Variants in CCDC7 observed in about 807,000 individuals in gnomAD.
The protein encoded by CCDC7 is coiled-coil domain-containing protein 7.
A neutral mutation model predicts 196.9 loss-of-function variants in CCDC7; 183 were observed. The ratio of observed to expected loss-of-function variants is 0.93; its 90% CI spans 0.82 to 1.05. The LOEUF (loss-of-function observed/expected upper bound fraction) is 1.05, where lower values mean the gene tolerates loss of function less well. Ranked by LOEUF, CCDC7 falls within the 50% of genes least tolerant of loss-of-function variation. CCDC7 has a pLI of 0.00. For synonymous variants in CCDC7, 525 were observed against 484.6 expected (o/e 1.08, Z -1.10); for missense variants, 1,540 against 1,482.2 (o/e 1.04, Z -0.64).
At chr10:32,657,043 C>G (rs2070067846) in intron 20 of CCDC7, among the ~76,000 whole-genome samples, 1 of 152,260 alleles carries the variant, frequency 6.6e-6, no homozygotes, top group African/African-American at 2.4e-5. Context: ...GACTTCATGT[C>G]TCACATCCAG....
At chr10:32,590,035 G>C (rs2059642496) in intron 18 of CCDC7, among the ~76,000 whole-genome samples, 2 of 151,960 alleles carry the variant, frequency 1.3e-5, no homozygotes, top group South Asian at 4.2e-4. Flanking sequence ...CTTTTGATTG[G>C]ACAGTTTAGT....
chr10:32,542,714 C>T (rs761926634), intron 11 of CCDC7, among the ~76,000 whole-genome samples: 2 of 151,486 alleles, frequency 1.3e-5, no homozygotes, highest in Non-Finnish European at 2.9e-5. Context: ...CACACCAGCT[C>T]ACATCTGGTG....
intron 18 of CCDC7, among the ~76,000 whole-genome samples, chr10:32,608,782 C>A (rs1405559891): frequency 6.6e-6 from 1 of 152,134 alleles, no homozygotes; most frequent in Non-Finnish European, 1.5e-5. Context: ...CTCAAGTGAT[C>A]CTCCCGCCTC....
chr10:32,546,729 C>T (rs2136220641), intron 13 of CCDC7, among the ~76,000 whole-genome samples: 2 of 152,302 alleles, frequency 1.3e-5, no homozygotes, highest in South Asian at 4.1e-4. Context: ...CTCATAGTTT[C>T]AGTGGGTTCG....
chr10:32,648,796 C>A (rs1330572968), intron 20 of CCDC7, among the ~76,000 whole-genome samples: 1 of 152,144 alleles, frequency 6.6e-6, no homozygotes, highest in South Asian at 2.1e-4. Flanking sequence ...GTTTGTTGGC[C>A]ACATGTATAT....
upstream of CCDC7, among the ~76,000 whole-genome samples, chr10:32,447,046 G>A (rs1230599184): frequency 1.3e-5 from 2 of 148,834 alleles, no homozygotes; most frequent in East Asian, 4.1e-4. Context: ...TTTTTCCATC[G>A]AACTTTCCTC....
chr10:32,519,844 G>A (rs189688507), intron 11 of CCDC7, among the ~76,000 whole-genome samples: 2 of 151,718 alleles, frequency 1.3e-5, no homozygotes, highest in East Asian at 3.9e-4. Flanking sequence ...TACATTTTTT[G>A]TACCCATTAA....
Position 32,474,210 on chromosome 10 carries a change from C to CTTTTT in CCDC7, c.796+213_796+217dup, listed in dbSNP as rs71027095. 2.5e-3 allele frequency among the ~76,000 whole-genome samples: 146 copies of CTTTTT among 58,964 alleles called. 12 individuals carry two copies. Among genetic ancestry groups the CTTTTT allele is most frequent in the East Asian group, 9.4e-3 (16 of 1,704 alleles). 38.7% of individuals were successfully genotyped at this position (58,964 alleles called of 152,430 possible). A position where few individuals can be genotyped will look rare whatever the true frequency, so the allele number is the denominator to read the frequency against. On this transcript the variant is annotated intron_variant, in intron 8 of 41. Coordinates refer to ENST00000639629, the Ensembl canonical transcript of CCDC7. ...GGATACGTGTTACTGAAACTAGATTCTTTTTTTTTTTTTTTTTTTTTTTTT... is the reference window on the plus strand; with the variant it reads ...GGATACGTGTTACTGAAACTAGATTCTTTTTTTTTTTTTTTTTTTTTTTTTTTTTT...
At chr10:32,819,127 G>C (rs1420574525) in intron 31 of CCDC7, among the ~76,000 whole-genome samples, 2 of 152,114 alleles carry the variant, frequency 1.3e-5, no homozygotes, top group African/African-American at 4.8e-5. Flanking sequence ...AAATGATAAA[G>C]GGGATATCAC....
chr10:32,645,549 G>C (rs1591054769), intron 20 of CCDC7, among the ~76,000 whole-genome samples: 1 of 120,534 alleles, frequency 8.3e-6, no homozygotes, highest in East Asian at 2.7e-4. Context: ...TGCTGGCCTT[G>C]TAGAATGTGC....
intron 18 of CCDC7, among the ~76,000 whole-genome samples, chr10:32,603,183 C>T (rs1246372495): frequency 1.3e-5 from 2 of 150,182 alleles, no homozygotes; most frequent in African/African-American, 4.9e-5. Flanking sequence ...TTAGCTCATA[C>T]ATAAGAATGA....
chr10:32,711,696 G>C (rs1241646918), exon 25 of CCDC7: 1 of 1,590,634 alleles, frequency 6.3e-7, no homozygotes, highest in Non-Finnish European at 8.5e-7. Context: ...TGCAATTAGA[G>C]ATTCAAGAAA....
chr10:32,728,930 A>G (rs775723422), exon 27 of CCDC7: 15 of 1,609,846 alleles, frequency 9.3e-6, no homozygotes, highest in South Asian at 5.5e-5. Flanking sequence ...CTGTTCATCA[A>G]GATTCAAAGT....
At chr10:32,567,577 G>C (rs1361542533) in intron 14 of CCDC7, 93 bp from the exon 16 acceptor site, 1 of 1,367,132 alleles carries the variant, frequency 7.3e-7, no homozygotes, top group African/African-American at 1.5e-5. Flanking sequence ...GAGAAATCAT[G>C]TAGGCGTAAA....
chr10:32,744,139 TAAAAAAAAAG>T (rs1283246709), intron 28 of CCDC7, among the ~76,000 whole-genome samples: 1 of 144,596 alleles, frequency 6.9e-6, no homozygotes, highest in African/African-American at 2.6e-5. Context: ...AAGTATAATT[TAAAAAAAAAG>T]AAAAAAAAAA....
intron 37 of CCDC7, among the ~76,000 whole-genome samples, chr10:32,846,907 C>T (rs1337269619): frequency 6.6e-6 from 1 of 152,154 alleles, no homozygotes. Context: ...TAAAATCTCA[C>T]CTGCAATACA....
At chr10:32,506,862 A>C (rs963737454) in intron 9 of CCDC7, among the ~76,000 whole-genome samples, 1 of 151,818 alleles carries the variant, frequency 6.6e-6, no homozygotes, top group South Asian at 2.1e-4. Flanking sequence ...GAAAGGGGAG[A>C]GGGAGAGGGA....
At chr10:32,560,627 A>G (rs1331619059) in intron 13 of CCDC7, among the ~76,000 whole-genome samples, 2 of 152,292 alleles carry the variant, frequency 1.3e-5, no homozygotes, top group African/African-American at 4.8e-5. Flanking sequence ...ATGCTGAGAG[A>G]TTTTGTCACC....
rs558933602 is a variant in CCDC7 at position 32,582,911 on chromosome 10, C to G, written c.1455-123C>G. 8.3e-5 allele frequency: 46 copies of G among 552,792 alleles called. No homozygotes were observed. The African/African-American group carries it at 8.3e-4, about 10-fold the overall frequency. The allele number at this position is 552,792 out of a possible 1,614,324, so 34.2% of individuals were successfully genotyped here. ...AGCATCAATTTCATATTGGAATAAC[C>G]ATAAACTAATGAGTAATTATACTTA... On this transcript the variant is annotated intron_variant, in intron 16 of 41. Coordinates refer to ENST00000639629, the Ensembl canonical transcript of CCDC7.
Sources: gnomAD v4.1 joint callset for allele counts (sites outside exome capture counted in the v4.1 genomes callset) on GRCh38, gnomAD v4.1.1 for gene constraint, MANE v1.5 for transcripts, NCBI Gene and HGNC (gene_info 2026-07-23, HGNC 2026-07-21) for gene names.